The following FRY variants were observed in gnomAD, a reference collection of about 807,000 sequenced individuals.
FRY encodes protein furry homolog.
FRY carries 128 observed loss-of-function variants against 348.4 expected under a neutral mutation model. The observed-to-expected ratio is 0.37, with a 90% CI of 0.32 to 0.43. FRY has a LOEUF of 0.43. Ranked by LOEUF, FRY falls within the 20% of genes least tolerant of loss-of-function variation. FRY has a pLI of 1.00. For synonymous variants in FRY, 1,370 were observed against 1,374.7 expected, an observed-to-expected ratio of 1.00 and a Z score of 0.08; for missense variants, 2,736 against 3,695.2, an observed-to-expected ratio of 0.74 and a Z score of 6.73.
intron 24 of FRY, among the ~76,000 whole-genome samples, chr13:32,183,545 A>G (rs1171012218): frequency 1.3e-5 from 2 of 152,254 alleles, no homozygotes; most frequent in Admixed American, 6.5e-5. Flanking sequence ...TGGGAGGCCA[A>G]AGCGGGCAGA....
Position 32,278,533 on chromosome 13 carries a change from G to A in FRY, c.8454G>A (p.Gly2818=). The change falls in exon 58 of 61, where the codon GGG becomes GGA. Residue 2818 remains glycine (G), a synonymous_variant. Transcript: ENST00000542859. ...ATGGAGTAATTACCTGTCAACCAGG[G>A]GACTCCGAAGAAAAGGTAATAAAAG... ...SRDGVITCQP[G]DSEEKQLELC... 1 of 1,564,828 alleles carries A rather than the reference G, an allele frequency of 6.4e-7. No homozygotes were observed. Among genetic ancestry groups the A allele is most frequent in the Non-Finnish European group, 8.8e-7 (1 of 1,135,364 alleles).
intron 2 of FRY, among the ~76,000 whole-genome samples, chr13:32,098,799 T>C (rs142575858): frequency 9.2e-5 from 14 of 152,208 alleles, no homozygotes; most frequent in African/African-American, 3.4e-4. Flanking sequence ...TGAATAAACA[T>C]ATAGTATCTA....
chr13:32,214,088 G>A (rs798988), intron 35 of FRY, among the ~76,000 whole-genome samples: 61,866 of 152,090 alleles, frequency 0.41, 12,792 homozygotes, highest in Admixed American at 0.43. Context: ...CTATGAATAT[G>A]CTCTCCCAAT....
chr13:32,247,541 T>A (rs779914329), intron 48 of FRY, 39 bp downstream of exon 48: 5 of 1,487,688 alleles, frequency 3.4e-6, no homozygotes, highest in Non-Finnish European at 4.7e-6. Context: ...AACTTTAGCA[T>A]GAATTTGTAG....
At chr13:32,144,342 C>T (rs1035934943) in intron 11 of FRY, among the ~76,000 whole-genome samples, 6 of 146,720 alleles carry the variant, frequency 4.1e-5, no homozygotes, top group Middle Eastern at 3.5e-3. Flanking sequence ...TCTTGGAAAC[C>T]GCTAAAAATT....
rs947195362 is a variant in FRY at position 32,297,365 on chromosome 13, G to T, written c.*1905G>T. ...ATATCATAAAATAAAGGTTTCTGTG[G>T]CTAACCACAGTAGACAACTTTCAGA... is the stretch of plus-strand genomic sequence containing the variant. On this transcript the variant is annotated 3_prime_UTR_variant, in exon 61 of 61. Transcript: ENST00000542859. 1.3e-5 allele frequency: 2 copies of T among 151,932 alleles called. No homozygotes were observed. Among genetic ancestry groups the T allele is most frequent in the Admixed American group, 6.6e-5 (1 of 15,258 alleles). 9.4% of individuals were successfully genotyped at this position (151,932 alleles called of 1,614,324 possible).
rs74422948 is a variant in FRY at position 32,265,494 on chromosome 13, T to C, written c.7824T>C (p.Asp2608=). The change falls in exon 54 of 61, where the codon GAT becomes GAC. Residue 2608 remains aspartate, a synonymous_variant. Transcript: ENST00000542859. ...REEEDTTVHE[D]DLSSSINELP... is the part of the protein sequence containing the mutation. ...AGGAGGACACCACCGTGCATGAGGATGATCTTTCTAGTTCCATCAATGAAC... is the reference window on the plus strand; with the variant it reads ...AGGAGGACACCACCGTGCATGAGGACGATCTTTCTAGTTCCATCAATGAAC... The C allele has an allele frequency of 4.9e-3, 7,901 of 1,614,198 alleles. 206 individuals are homozygous for C. In the African/African-American group the frequency reaches 0.067, roughly 14 times the overall value.
At chr13:32,227,703 C>A (rs1247434264) in intron 39 of FRY, among the ~76,000 whole-genome samples, 1 of 151,816 alleles carries the variant, frequency 6.6e-6, no homozygotes, top group African/African-American at 2.4e-5. Context: ...GTAAAAGTAA[C>A]CAGCCATTAA....
intron 3 of FRY, among the ~76,000 whole-genome samples, chr13:32,102,992 A>G (rs1354440169): frequency 6.6e-6 from 1 of 152,242 alleles, no homozygotes; most frequent in African/African-American, 2.4e-5. Context: ...TATGAAATCC[A>G]GAGGAAGTCT....
At chr13:32,102,688 T>G (rs2138635851) in intron 3 of FRY, among the ~76,000 whole-genome samples, 1 of 152,282 alleles carries the variant, frequency 6.6e-6, no homozygotes, top group South Asian at 2.1e-4. Flanking sequence ...AATAAACATA[T>G]GAAATCAGGA....
chr13:32,092,162 T>C (rs1020832351), intron 2 of FRY, among the ~76,000 whole-genome samples: 5 of 152,228 alleles, frequency 3.3e-5, no homozygotes, highest in African/African-American at 1.2e-4. Flanking sequence ...GAAATATCTC[T>C]GAGGGCAGTA....
At chr13:32,288,093 A>G (rs1238935458) in intron 58 of FRY, among the ~76,000 whole-genome samples, 1 of 152,198 alleles carries the variant, frequency 6.6e-6, no homozygotes, top group Non-Finnish European at 1.5e-5. Flanking sequence ...ATGAATTATC[A>G]TATTATCAGT....
At position 32,131,652 on chromosome 13, in the gene FRY, C is replaced by T; in HGVS notation, c.717-20C>T. Reference sequence around the variant, plus strand: ...CTTTCCTACCCAATATTTGATAAACCACTTATGTTATCTTCTTAGATTCCC... The same window carrying T: ...CTTTCCTACCCAATATTTGATAAACTACTTATGTTATCTTCTTAGATTCCC... On this transcript the variant is annotated intron_variant, in intron 7 of 60. Transcript: ENST00000542859. 6.2e-7 allele frequency: 1 copy of T among 1,600,980 alleles called. No individual in the cohort carries two copies. The highest frequency in any genetic ancestry group is 8.6e-7 in the Non-Finnish European group (1 of 1,169,284).
intron 3 of FRY, among the ~76,000 whole-genome samples, chr13:32,114,897 G>GA (rs1878204708): frequency 6.6e-6 from 1 of 152,180 alleles, no homozygotes; most frequent in Non-Finnish European, 1.5e-5. Flanking sequence ...ACCACAGCAG[G>GA]AAAAATATGT....
chr13:32,086,127 G>A, intron 2 of FRY: 1 of 398,304 alleles, frequency 2.5e-6, no homozygotes, highest in Non-Finnish European at 4.9e-6. Context: ...AGGGGTCTCA[G>A]AAAAAAATAA....
At chr13:32,080,861 G>T (rs964795291) in intron 2 of FRY, among the ~76,000 whole-genome samples, 13 of 152,156 alleles carry the variant, frequency 8.5e-5, no homozygotes, top group African/African-American at 3.1e-4. Flanking sequence ...TTGAAATTGT[G>T]TATCCTAATG....
At chr13:32,167,447 A>G (rs1443732181) in intron 17 of FRY, among the ~76,000 whole-genome samples, 2 of 152,162 alleles carry the variant, frequency 1.3e-5, no homozygotes, top group African/African-American at 4.8e-5. Flanking sequence ...CTTTATCTTC[A>G]TATGGCATTA....
chr13:32,228,467 TTCC>T lies in FRY; in HGVS notation c.5220_5222del (p.Phe1740del). On this transcript the variant is annotated inframe_deletion, in exon 40 of 61. Transcript: ENST00000542859. ...TCTTCTCCCACCAGGTGGCTTTGACTTCCTGAGAGAGGACCAGTCATCCCCGGT... is the reference window on the plus strand; with the variant it reads ...TCTTCTCCCACCAGGTGGCTTTGACTTGAGAGAGGACCAGTCATCCCCGGT... 6.2e-7 allele frequency: 1 copy of T among 1,612,380 alleles called. No individual in the cohort carries two copies. Among genetic ancestry groups the T allele is most frequent in the Non-Finnish European group, 8.5e-7 (1 of 1,179,758 alleles).
intron 36 of FRY, 44 bp from the exon 37 acceptor site, chr13:32,224,188 TCTC>T (rs751018100): frequency 1.3e-6 from 2 of 1,510,756 alleles, no homozygotes; most frequent in African/African-American, 2.7e-5. Flanking sequence ...AGAAAACAAG[TCTC>T]CTCTCCCTGA....
Sources: allele counts gnomAD v4.1 joint callset (sites outside exome capture counted in the v4.1 genomes callset), GRCh38; gene constraint gnomAD v4.1.1; transcripts MANE v1.5; gene names NCBI Gene and HGNC (gene_info 2026-07-23, HGNC 2026-07-21).